HACE1: variants seen among roughly 807,000 people sequenced by gnomAD.
The protein encoded by HACE1 is E3 ubiquitin-protein ligase HACE1.
In HACE1, 73 loss-of-function variants were observed where a neutral mutation model predicts 118.4. The ratio of observed to expected loss-of-function variants is 0.62; its 90% CI spans 0.51 to 0.75. The LOEUF is 0.75. Ranked by LOEUF, HACE1 falls within the 30% of genes least tolerant of loss-of-function variation. HACE1 has a pLI of 0.00. For synonymous variants in HACE1, 368 were observed against 374.8 expected, an observed-to-expected ratio of 0.98 and a Z score of 0.21; for missense variants, 749 against 1,102.2, an observed-to-expected ratio of 0.68 and a Z score of 4.54.
intron 6 of HACE1, among the ~76,000 whole-genome samples, chr6:104,826,224 A>G (rs1773315777): frequency 1.3e-5 from 2 of 152,224 alleles, no homozygotes; most frequent in Admixed American, 1.3e-4. Context: ...CCCTAGTGCC[A>G]AAAAGGTTAG....
chr6:104,832,385 TTGTTG>T (rs1774094041), intron 6 of HACE1, among the ~76,000 whole-genome samples: 1 of 45,028 alleles, frequency 2.2e-5, no homozygotes, highest in Non-Finnish European at 8.4e-5. Flanking sequence ...CTGTTTTTTG[TTGTTG>T]TTGTTGTTGT....
intron 3 of HACE1, among the ~76,000 whole-genome samples, chr6:104,850,046 T>G (rs1253262830): frequency 6.9e-6 from 1 of 145,710 alleles, no homozygotes; most frequent in Admixed American, 6.9e-5. Flanking sequence ...GCCTCCAGGG[T>G]TCAAGCAATT....
rs1385642298 is a variant in HACE1 at position 104,728,200 on chromosome 6, G to A, written c.*1462C>T. ...TATGGTTATAAACAGAAACATATCT[G>A]TAAACATTAGTATTATAAGCAGTGT... On this transcript the variant is annotated 3_prime_UTR_variant, in exon 24 of 24. Transcript: ENST00000262903. 1 of 152,036 alleles carries A rather than the reference G, an allele frequency of 6.6e-6. No individual in the cohort carries two copies. The highest frequency in any genetic ancestry group is 1.5e-5 in the Non-Finnish European group (1 of 68,020). The allele number at this position is 152,036 out of a possible 1,614,324, so 9.4% of individuals were successfully genotyped here. A position where few individuals can be genotyped will look rare whatever the true frequency, so the allele number is the denominator to read the frequency against.
chr6:104,850,838 T>G, intron 3 of HACE1, 69 bp downstream of exon 3: 1 of 937,956 alleles, frequency 1.1e-6, no homozygotes. Flanking sequence ...TATTGTGTGA[T>G]AATGCTGTTC....
intron 19 of HACE1, among the ~76,000 whole-genome samples, chr6:104,759,436 C>A (rs1239702947): frequency 6.6e-6 from 1 of 152,186 alleles, no homozygotes; most frequent in Non-Finnish European, 1.5e-5. Context: ...GAACAACGCG[C>A]TCCTGAATGA....
intron 4 of HACE1, among the ~76,000 whole-genome samples, chr6:104,845,030 T>C (rs908921069): frequency 6.6e-6 from 1 of 152,144 alleles, no homozygotes; most frequent in Non-Finnish European, 1.5e-5. Flanking sequence ...CAGTAATACA[T>C]ACAATACAGT....
intron 18 of HACE1, among the ~76,000 whole-genome samples, chr6:104,771,705 GA>G (rs55710828): frequency 0.01 from 862 of 86,180 alleles, 13 homozygotes; most frequent in Admixed American, 0.055. Flanking sequence ...CACAAAAATT[GA>G]AAAAAAAAAA....
At chr6:104,771,785 C>A (rs1050534370) in intron 18 of HACE1, 140 bp downstream of exon 18, 4 of 621,744 alleles carry the variant, frequency 6.4e-6, no homozygotes, top group African/African-American at 1.9e-5. Flanking sequence ...CTTCAAACCC[C>A]GAATGGCTTA....
intron 6 of HACE1, among the ~76,000 whole-genome samples, chr6:104,822,191 C>A (rs1220368995): frequency 7.3e-6 from 1 of 136,368 alleles, no homozygotes; most frequent in African/African-American, 2.7e-5. Context: ...CACGGTGAAA[C>A]CCCGTCTCTA....
rs1582533757 is a variant in HACE1, at chr6:104,729,323, A to G, written c.*339T>C. On this transcript the variant is annotated 3_prime_UTR_variant, in exon 24 of 24. Transcript: ENST00000262903. ...GAAATTAGGAGAAAACACCCTTTTA[A>G]CAAGACAGTTACATAGCAGAGGTGG... 7.7e-6 allele frequency: 2 copies of G among 261,204 alleles called. No homozygotes were observed. Among genetic ancestry groups the G allele is most frequent in the East Asian group, 1.9e-4 (2 of 10,424 alleles). 16.2% of individuals were successfully genotyped at this position (261,204 alleles called of 1,614,324 possible). A position where few individuals can be genotyped will look rare whatever the true frequency, so the allele number is the denominator to read the frequency against.
chr6:104,776,691 T>C, intron 17 of HACE1, 50 bp downstream of exon 17: 1 of 1,048,774 alleles, frequency 9.5e-7, no homozygotes, highest in Non-Finnish European at 1.5e-6. Context: ...TGAAATAGTG[T>C]GAAAAATGTG....
intron 19 of HACE1, among the ~76,000 whole-genome samples, chr6:104,754,615 G>A (rs1778407291): frequency 6.6e-6 from 1 of 152,206 alleles, no homozygotes; most frequent in Admixed American, 6.5e-5. Context: ...AGCCAGAAGA[G>A]ACTGGTGGCC....
intron 19 of HACE1, among the ~76,000 whole-genome samples, chr6:104,768,167 C>T (rs1288157700): frequency 6.6e-6 from 1 of 152,028 alleles, no homozygotes; most frequent in Non-Finnish European, 1.5e-5. Context: ...ATCACCAAAG[C>T]CTTTTAATAA....
At chr6:104,764,250 G>A (rs35277810) in intron 19 of HACE1, among the ~76,000 whole-genome samples, 26,394 of 151,938 alleles carry the variant, frequency 0.17, 2,458 homozygotes, top group African/African-American at 0.24. Context: ...GCTAATTTTT[G>A]TATTTTTAGT....
intron 19 of HACE1, among the ~76,000 whole-genome samples, chr6:104,762,388 T>C (rs35662710): frequency 0.17 from 26,575 of 152,192 alleles, 2,491 homozygotes; most frequent in African/African-American, 0.25. Context: ...GGTGAGTTCA[T>C]GTCCTTTGCA....
Position 104,804,516 on chromosome 6 carries a change from T to C in HACE1, c.617+6795A>G, listed in dbSNP as rs889686008. ...AGCATGGTACTGGTACCAAGAGATATAGACCAATGGAACAGAATAGAGCCC... is the reference window on the plus strand; with the variant it reads ...AGCATGGTACTGGTACCAAGAGATACAGACCAATGGAACAGAATAGAGCCC... On this transcript the variant is annotated intron_variant, in intron 7 of 23. Transcript: ENST00000262903. Among the ~76,000 whole-genome samples, 3 of 152,120 alleles carry C rather than the reference T, an allele frequency of 2.0e-5. No individual in the cohort carries two copies. In the South Asian group the frequency reaches 6.2e-4, roughly 32 times the overall value.
chr6:104,812,521 G>A (rs559957361), intron 6 of HACE1, among the ~76,000 whole-genome samples: 6 of 151,938 alleles, frequency 3.9e-5, no homozygotes, highest in Admixed American at 6.6e-5. Context: ...CTTTTTTGCC[G>A]CTTTTAAACA....
chr6:104,844,137 A>C (rs1383719832), intron 4 of HACE1, among the ~76,000 whole-genome samples: 1 of 146,348 alleles, frequency 6.8e-6, no homozygotes, highest in Non-Finnish European at 1.5e-5. Context: ...TCCCAGGTTC[A>C]AGTGATTCTC....
chr6:104,765,369 C>T (rs1779873957), intron 19 of HACE1, among the ~76,000 whole-genome samples: 2 of 152,234 alleles, frequency 1.3e-5, no homozygotes, highest in African/African-American at 4.8e-5. Context: ...CTTACACTTG[C>T]CTGTTGCACT....
Sources: gnomAD v4.1 joint callset for allele counts (sites outside exome capture counted in the v4.1 genomes callset) on GRCh38, gnomAD v4.1.1 for gene constraint, MANE v1.5 for transcripts, NCBI Gene and HGNC (gene_info 2026-07-23, HGNC 2026-07-21) for gene names.